Variants in TBC1D20 observed in about 807,000 individuals in gnomAD.
TBC1D20 encodes the protein TBC1 domain family member 20.
A neutral mutation model predicts 41.6 loss-of-function variants in TBC1D20; 12 were observed. The ratio of observed to expected loss-of-function variants is 0.29; its 90% CI spans 0.18 to 0.47. The LOEUF (loss-of-function observed/expected upper bound fraction) is 0.47. Ranked by LOEUF, TBC1D20 falls within the 20% of genes least tolerant of loss-of-function variation. TBC1D20 has a pLI of 1.00. For synonymous variants in TBC1D20, 205 were observed against 204.8 expected, an observed-to-expected ratio of 1.00 and a Z score of -0.01; for missense variants, 421 against 517.4, an observed-to-expected ratio of 0.81 and a Z score of 1.81.
intron 3 of TBC1D20, among the ~76,000 whole-genome samples, chr20:443,840 G>C (rs1293025748): frequency 6.6e-6 from 1 of 152,072 alleles, no homozygotes; most frequent in African/African-American, 2.4e-5. Flanking sequence ...AGGTTACCTA[G>C]GAAAAAATGG....
At chr20:452,295 C>T (rs1259797559) in intron 1 of TBC1D20, among the ~76,000 whole-genome samples, 5 of 151,892 alleles carry the variant, frequency 3.3e-5, no homozygotes, top group African/African-American at 9.7e-5. Context: ...CGCGACATAG[C>T]GAGACTCCAT....
chr20:438,665 G>A lies in TBC1D20; in HGVS notation c.1133C>T (p.Ala378Val), dbSNP rs756249869. Reference protein sequence around the residue: ...VKLAVMGLTVALGAAALAVVK... With the variant: ...VKLAVMGLTVVLGAAALAVVK... ...CACAGCCAGTGCAGCCGCTCCAAGT[G>A]CCACTGTCAGCCCCATCACTGCCAA... The change falls in exon 8 of 8, where the codon GCA (alanine) becomes GTA (valine). Residue 378 changes from alanine to valine, a missense_variant. By Grantham distance (64) the Ala-to-Val change is moderately conservative. Transcript: ENST00000354200. 1.2e-6 allele frequency: 2 copies of A among 1,614,078 alleles called. No individual in the cohort carries two copies. Among genetic ancestry groups the A allele is most frequent in the African/African-American group, 1.3e-5 (1 of 74,918 alleles).
rs995067276 is a variant in TBC1D20, at chr20:439,819, C to A, written c.768+429G>T. ...CCATCCCTCAAGACCCTTCTACTAA[C>A]TGAAGCCCCTACCCTCCACCGCAAG... On this transcript the variant is annotated intron_variant, in intron 6 of 7. Transcript: ENST00000354200. The surrounding 1 kb of genome is among the most constrained non-coding windows in gnomAD (Gnocchi z 4.6). Among the ~76,000 whole-genome samples, 1 of 152,198 alleles carries A rather than the reference C, an allele frequency of 6.6e-6. No homozygotes were observed. The highest frequency in any genetic ancestry group is 2.4e-5 in the African/African-American group (1 of 41,454).
chr20:454,631 T>C (rs770043403), intron 1 of TBC1D20, among the ~76,000 whole-genome samples: 46 of 151,412 alleles, frequency 3.0e-4, no homozygotes, highest in Non-Finnish European at 2.2e-4. Context: ...CTACAAACTG[T>C]TTCTATGACA....
In TBC1D20 at chr20:451,336, G is replaced by C. The variant is rs768981206; in HGVS notation, c.71-3262C>G. On this transcript the variant is annotated intron_variant, in intron 1 of 7. Transcript: ENST00000354200. The stretch of plus-strand genomic sequence containing the variant: ...AAGGCAGGCAGATCACCTGAGGTCA[G>C]GAGTTCGAGACCAGCCTGGCCAACA... Among the ~76,000 whole-genome samples the C allele has an allele frequency of 1.9e-4, 29 of 152,150 alleles. 1 individual carries two copies. Among genetic ancestry groups the C allele is most frequent in the Non-Finnish European group, 2.9e-4 (20 of 68,034 alleles).
At chr20:452,923 G>A (rs570988821) in intron 1 of TBC1D20, among the ~76,000 whole-genome samples, 1 of 152,196 alleles carries the variant, frequency 6.6e-6, no homozygotes, top group East Asian at 1.9e-4. Context: ...GCCGAGGCGG[G>A]CAGACCACCT....
In TBC1D20 at chr20:440,819, G is replaced by A. The variant is rs376200517; in HGVS notation, c.627-430C>T. ...ATCTTAAGATGTAGCTGCCAGACAC[G>A]GTGAGTCACGCCTATAATCTCAGCA... On this transcript the variant is annotated intron_variant, in intron 5 of 7. Transcript: ENST00000354200. 1.7e-3 allele frequency: 268 copies of A among 159,106 alleles called. 8 individuals carry two copies. In the South Asian group the frequency reaches 0.042, roughly 25 times the overall value. 9.9% of individuals were successfully genotyped at this position (159,106 alleles called of 1,614,324 possible). A position where few individuals can be genotyped will look rare whatever the true frequency, so the allele number is the denominator to read the frequency against.
rs2017114981 is a variant in TBC1D20, at chr20:436,186, TG to T, written c.*2399del. The T allele has an allele frequency of 6.6e-6, 1 of 152,246 alleles. No homozygotes were observed. The highest frequency in any genetic ancestry group is 2.1e-4 in the South Asian group (1 of 4,826). 9.4% of individuals were successfully genotyped at this position (152,246 alleles called of 1,614,324 possible). ...AGGCTGACCAGGAGTCCACAGACCA[TG>T]GCACAGTTCTGGGCCTGACATGGAA... On this transcript the variant is annotated 3_prime_UTR_variant, in exon 8 of 8. Coordinates refer to ENST00000354200, the MANE Select transcript of TBC1D20 (RefSeq NM_144628.4).
At chr20:459,673 C>T (rs1285174919) in intron 1 of TBC1D20, among the ~76,000 whole-genome samples, 1 of 151,966 alleles carries the variant, frequency 6.6e-6, no homozygotes, top group Non-Finnish European at 1.5e-5. Flanking sequence ...ATAAAGAGGG[C>T]AAAGCAGACT....
rs1386147082 is a variant in TBC1D20 at position 447,884 on chromosome 20, C to CT, written c.256+4dup. On this transcript the variant is annotated splice_donor_region_variant and intron_variant, in intron 2 of 7. Coordinates refer to ENST00000354200, the MANE Select transcript of TBC1D20 (RefSeq NM_144628.4). ...TCCCCTCACAGCCTCCCCCACTCCCCTTACCTGATATAGGAGGTGGGTCAT... is the reference window on the plus strand; with the variant it reads ...TCCCCTCACAGCCTCCCCCACTCCCCTTTACCTGATATAGGAGGTGGGTCAT... 8 of 1,608,296 alleles carry CT rather than the reference C, an allele frequency of 5.0e-6. No homozygotes were observed. The highest frequency in any genetic ancestry group is 6.8e-6 in the Non-Finnish European group (8 of 1,177,216).
At chr20:441,161 T>TCCA (rs34183236) in intron 5 of TBC1D20, 34,057 of 159,724 alleles carry the variant, frequency 0.21, 4,296 homozygotes, top group Admixed American at 0.28. Context: ...AGAACACATT[T>TCCA]CCAACTAAAC....
chr20:448,978 C>T (rs190454544), intron 1 of TBC1D20, among the ~76,000 whole-genome samples: 1 of 146,448 alleles, frequency 6.8e-6, no homozygotes, highest in African/African-American at 2.5e-5. Flanking sequence ...TCCCAAGTAG[C>T]TGGGATTTCA....
Position 447,923 on chromosome 20 carries a change from G to T in TBC1D20, c.222C>A (p.Leu74=), listed in dbSNP as rs1157230818. 1.9e-6 allele frequency: 3 copies of T among 1,613,612 alleles called. No individual in the cohort carries two copies. The highest frequency in any genetic ancestry group is 2.5e-6 in the Non-Finnish European group (3 of 1,179,920). ...EIRRKVWPKL[L]NVNANDPPPI... ...GAGGTGGGTCATTGGCATTGACATT[G>T]AGGAGCTTGGGCCACACTTTTCGTC... Residue 74 remains leucine, a synonymous_variant, in exon 2 of 8, where the codon CTC becomes CTA. Coordinates refer to ENST00000354200, the MANE Select transcript of TBC1D20 (RefSeq NM_144628.4).
chr20:447,961 T>A lies in TBC1D20; in HGVS notation c.184A>T (p.Thr62Ser), dbSNP rs750194858. 3.7e-6 allele frequency: 6 copies of A among 1,614,182 alleles called. No individual in the cohort carries two copies. In the African/African-American group the frequency reaches 5.3e-5, roughly 14 times the overall value. ...CACACTTTTCGTCTGATCTCATCAG[T>A]CAGGAGCCCTCCTTCACTGATAGCC... ...RMAISEGGLL[T>S]DEIRRKVWPK... The change falls in exon 2 of 8, where the codon ACT (threonine) becomes TCT (serine). Residue 62 changes from threonine to serine, a missense_variant. Thr to Ser is a moderately conservative substitution (Grantham distance 58). Coordinates refer to ENST00000354200, the MANE Select transcript of TBC1D20 (RefSeq NM_144628.4).
At position 441,700 on chromosome 20, in the gene TBC1D20, A is replaced by G. The variant is rs2017233740; in HGVS notation, c.525-11T>C. 6.2e-7 allele frequency: 1 copy of G among 1,612,918 alleles called. No homozygotes were observed. On this transcript the variant is annotated splice_polypyrimidine_tract_variant and intron_variant, in intron 4 of 7. Transcript: ENST00000354200. ...GGATCCATAAAATCCCTGGAGGGAG[A>G]CAATTCAATAAGCCTGGTTACCAAA...
intron 1 of TBC1D20, 44 bp from the exon 2 acceptor site, chr20:448,118 T>G (rs1179649101): frequency 6.7e-7 from 1 of 1,482,378 alleles, no homozygotes; most frequent in Non-Finnish European, 9.4e-7. Context: ...ATTCAGCACG[T>G]GCATATTTTC....
chr20:439,023 A>G lies in TBC1D20; in HGVS notation c.956+85T>C. On this transcript the variant is annotated intron_variant, in intron 7 of 7. Transcript: ENST00000354200. This position sits in a 1 kb window ranked among gnomAD's most constrained non-coding sequence, Gnocchi z 4.6. ...CTCAGATCTCTGGAAACATGCCCCA[A>G]CCCTATCCCACCAGACACAAACCTT... 4.0e-6 allele frequency: 6 copies of G among 1,518,870 alleles called. No individual in the cohort carries two copies. In the South Asian group the frequency reaches 7.6e-5, roughly 19 times the overall value. The allele number at this position is 1,518,870 out of a possible 1,614,324, so 94.1% of individuals were successfully genotyped here.
chr20:448,413 G>A (rs1164018174), intron 1 of TBC1D20, among the ~76,000 whole-genome samples: 1 of 152,146 alleles, frequency 6.6e-6, no homozygotes, highest in Non-Finnish European at 1.5e-5. Context: ...AGTGTCGGCT[G>A]GGTGTGGTGG....
chr20:441,502 T>C, intron 5 of TBC1D20, 86 bp downstream of exon 5: 1 of 1,175,614 alleles, frequency 8.5e-7, no homozygotes, highest in Non-Finnish European at 1.3e-6. Context: ...ATGAGGAAAC[T>C]GCGCTCGGCT....
Sources: allele counts gnomAD v4.1 joint callset (sites outside exome capture counted in the v4.1 genomes callset), GRCh38; gene constraint gnomAD v4.1.1; non-coding constraint Gnocchi (gnomAD v3.1); transcripts MANE v1.5; gene names NCBI Gene and HGNC (gene_info 2026-07-23, HGNC 2026-07-21).